The following SYNE2 variants were observed in gnomAD, a reference collection of about 807,000 sequenced individuals.
The protein encoded by SYNE2 is spectrin repeat containing nuclear envelope protein 2, also known as nesprin-2.
Under a neutral mutation model 856.3 loss-of-function variants are expected in SYNE2, and 431 were observed. The observed-to-expected ratio is 0.50, with a 90% CI of 0.47 to 0.55. SYNE2 has a LOEUF of 0.55. SYNE2 is among the 20% of genes least tolerant of loss of function. The probability of loss-of-function intolerance (pLI) is 0.00; values close to 1 mark genes in which losing one functional copy is unlikely to be tolerated. For synonymous variants in SYNE2, 2,923 were observed against 2,872.3 expected (o/e 1.02, Z -0.56); for missense variants, 8,129 against 8,023.2 (o/e 1.01, Z -0.50).
At chr14:63,774,842 C>T (rs8003161) in intron 1 of SYNE2, among the ~76,000 whole-genome samples, 49 of 152,058 alleles carry the variant, frequency 3.2e-4, no homozygotes, top group Non-Finnish European at 5.4e-4. Flanking sequence ...TAATGAAATG[C>T]AAGGCAGCAT....
At chr14:64,092,400 C>T (rs981606202) in intron 60 of SYNE2, among the ~76,000 whole-genome samples, 1 of 152,174 alleles carries the variant, frequency 6.6e-6, no homozygotes, top group African/African-American at 2.4e-5. Context: ...CCTTTGATTT[C>T]TACTTTAGAT....
At chr14:64,139,409 T>C (rs1205092039) in intron 79 of SYNE2, among the ~76,000 whole-genome samples, 1 of 150,904 alleles carries the variant, frequency 6.6e-6, no homozygotes, top group African/African-American at 2.4e-5. Flanking sequence ...CTCATTATTA[T>C]TATTATTTTT....
chr14:64,187,541 C>T (rs898687862), intron 97 of SYNE2, among the ~76,000 whole-genome samples: 3 of 152,038 alleles, frequency 2.0e-5, no homozygotes, highest in Admixed American at 6.5e-5. Flanking sequence ...ACAGATGCCC[C>T]GAGGAATGGA....
At chr14:63,898,579 T>G (rs907494644) in intron 1 of SYNE2, among the ~76,000 whole-genome samples, 4 of 151,740 alleles carry the variant, frequency 2.6e-5, no homozygotes, top group African/African-American at 4.8e-5. Context: ...TAATTTTTGT[T>G]TTTTTTTGTA....
At chr14:63,820,014 G>A (rs1043752565) in intron 1 of SYNE2, among the ~76,000 whole-genome samples, 1 of 151,668 alleles carries the variant, frequency 6.6e-6, no homozygotes, top group African/African-American at 2.4e-5. Context: ...GGAATTAAAA[G>A]TCTTTTTTTA....
intron 103 of SYNE2, 104 bp from the exon 104 acceptor site, chr14:64,211,857 A>G (rs2140197399): frequency 6.5e-7 from 1 of 1,536,942 alleles, no homozygotes; most frequent in Non-Finnish European, 9.0e-7. Context: ...TTTCTCCCTG[A>G]GTATTCTGGG....
intron 45 of SYNE2, chr14:64,034,470 T>C (rs2097069819): frequency 4.1e-6 from 2 of 487,788 alleles, no homozygotes; most frequent in East Asian, 3.1e-5. Flanking sequence ...TTACTTTTTC[T>C]TTAGTAAATG....
Position 63,782,135 on chromosome 14 carries a change from C to CAA in SYNE2, c.-305+20160_-305+20161dup, listed in dbSNP as rs200894740. ...TGTGCTACAGAGCAAGACCCCATCT[C>CAA]AAAAAAAAAAAACCAAAAACAAAAA... On this transcript the variant is annotated intron_variant, in intron 1 of 23. Transcript: ENST00000674003. 5.5e-3 allele frequency among the ~76,000 whole-genome samples: 749 copies of CAA among 136,868 alleles called. 5 individuals carry two copies. Among genetic ancestry groups the CAA allele is most frequent in the Admixed American group, 9.1e-3 (123 of 13,444 alleles). 89.8% of individuals were successfully genotyped at this position (136,868 alleles called of 152,430 possible).
intron 11 of SYNE2, among the ~76,000 whole-genome samples, chr14:63,972,993 G>C (rs916288076): frequency 2.0e-5 from 3 of 152,196 alleles, no homozygotes; most frequent in Non-Finnish European, 4.4e-5. Flanking sequence ...AGTGGCTCGT[G>C]ACTGTAATCC....
chr14:64,199,198 G>T (rs2098551540), intron 99 of SYNE2, among the ~76,000 whole-genome samples: 1 of 152,134 alleles, frequency 6.6e-6, no homozygotes. Flanking sequence ...CCAGACTTCT[G>T]GTCATGTTCT....
chr14:64,155,631 C>A (rs1460873427), intron 85 of SYNE2, among the ~76,000 whole-genome samples: 1 of 150,886 alleles, frequency 6.6e-6, no homozygotes, highest in African/African-American at 2.4e-5. Flanking sequence ...TATAAGCTGT[C>A]AAGAGTCAAT....
At chr14:64,080,722 C>T (rs2097514438) in intron 56 of SYNE2, 84 bp downstream of exon 56, 2 of 1,535,672 alleles carry the variant, frequency 1.3e-6, no homozygotes, top group South Asian at 2.3e-5. Flanking sequence ...CAGAAACAGT[C>T]AGTTTCTGTT....
chr14:64,114,240 G>C (rs1377065029), intron 66 of SYNE2, among the ~76,000 whole-genome samples: 1 of 152,156 alleles, frequency 6.6e-6, no homozygotes, highest in East Asian at 1.9e-4. Context: ...CCGAAGGTTG[G>C]GGTTTCTAAT....
intron 14 of SYNE2, among the ~76,000 whole-genome samples, chr14:63,980,022 C>CT (rs1049267382): frequency 2.0e-5 from 3 of 152,146 alleles, no homozygotes; most frequent in East Asian, 1.9e-4. Context: ...CTTAAACACT[C>CT]TAAGTTTCCA....
At position 64,122,321 on chromosome 14, in the gene SYNE2, A is replaced by G; in HGVS notation, c.13316A>G (p.Asp4439Gly). ...TCCAGCCCTGAAAATGACGTTCCAG[A>G]CTCGATCTTGTCACCCCAGGGCCAA... Reference protein sequence around the residue: ...QASSPENDVPDSILSPQGQNG... With the variant: ...QASSPENDVPGSILSPQGQNG... The change falls in exon 70 of 116, where the codon GAC becomes GGC. Residue 4439 changes from aspartate to glycine, a missense_variant. Asp to Gly is a moderately conservative substitution (Grantham distance 94). Coordinates refer to ENST00000555002, the MANE Select transcript of SYNE2 (RefSeq NM_182914.3). 2 of 1,614,142 alleles carry G rather than the reference A, an allele frequency of 1.2e-6. No homozygotes were observed. Among genetic ancestry groups the G allele is most frequent in the Non-Finnish European group, 1.7e-6 (2 of 1,180,010 alleles).
In SYNE2 at chr14:63,937,550, C is replaced by A. The variant is rs529685358; in HGVS notation, c.80-3064C>A. On this transcript the variant is annotated intron_variant, in intron 2 of 115. Coordinates refer to ENST00000555002, the MANE Select transcript of SYNE2 (RefSeq NM_182914.3). ...GGTTGTTAGATGAGTGGGTGGGAAG[C>A]AAGGTTTCAGCTGAGTTTAATGATG... Among the ~76,000 whole-genome samples the A allele has an allele frequency of 6.0e-4, 91 of 152,060 alleles. 1 individual carries two copies. The highest frequency in any genetic ancestry group is 2.0e-4 in the Admixed American group (3 of 15,276).
chr14:63,880,068 G>GTTTTA (rs749857942), intron 1 of SYNE2, among the ~76,000 whole-genome samples: 8 of 152,022 alleles, frequency 5.3e-5, no homozygotes, highest in Non-Finnish European at 1.2e-4. Context: ...ACATTAAGTG[G>GTTTTA]TTTTATTTTA....
intron 88 of SYNE2, chr14:64,162,976 A>G (rs1438130501): frequency 5.3e-6 from 1 of 190,260 alleles, no homozygotes; most frequent in Non-Finnish European, 1.1e-5. Context: ...CCTTAAAATC[A>G]GCCTGATTAA....
intron 21 of SYNE2, among the ~76,000 whole-genome samples, chr14:63,993,282 G>A (rs2096683885): frequency 1.3e-5 from 2 of 152,212 alleles, no homozygotes; most frequent in Admixed American, 6.5e-5. Flanking sequence ...CATTTTGGGA[G>A]GTTGAGGTGG....
Sources: allele counts gnomAD v4.1 joint callset (sites outside exome capture counted in the v4.1 genomes callset), GRCh38; gene constraint gnomAD v4.1.1; transcripts MANE v1.5; gene names NCBI Gene and HGNC (gene_info 2026-07-23, HGNC 2026-07-21).